APOBEC3B: variants seen among roughly 807,000 people sequenced by gnomAD.
APOBEC3B encodes DNA dC->dU-editing enzyme APOBEC-3B.
APOBEC3B carries 29 observed loss-of-function variants against 53.4 expected under a neutral mutation model. That is an observed-to-expected ratio of 0.54 (90% CI 0.40 to 0.74). The LOEUF (loss-of-function observed/expected upper bound fraction) is 0.74, where lower values mean the gene tolerates loss of function less well. Among genes scored for constraint, APOBEC3B ranks in the 30% least tolerant of loss-of-function variants. The pLI is 0.00. For missense variants in APOBEC3B, 347 were observed against 496.2 expected (o/e 0.70, Z 2.86); for synonymous variants, 132 against 184.8 (o/e 0.71, Z 2.32).
At position 38,986,328 on chromosome 22, in the gene APOBEC3B, A is replaced by G. The variant is rs1360920599; in HGVS notation, c.485A>G (p.Tyr162Cys). The G allele has an allele frequency of 2.5e-6, 4 of 1,593,812 alleles. No homozygotes were observed. The highest frequency in any genetic ancestry group is 1.3e-5 in the African/African-American group (1 of 74,366). ...EFAYCWENFV[Y>C]NEGQQFMPWY... ...GCATACTGCTGGGAAAACTTTGTGT[A>G]CAATGAAGGTCAGCAATTCATGCCT... Residue 162 changes from tyrosine to cysteine, a missense_variant, in exon 4 of 8, where the codon TAC becomes TGC. Transcript: ENST00000333467.
chr22:38,984,777 C>T (rs1923669067), intron 2 of APOBEC3B, among the ~76,000 whole-genome samples: 1 of 148,218 alleles, frequency 6.7e-6, no homozygotes, highest in African/African-American at 2.5e-5. Context: ...TCTTTTTAAC[C>T]CTTGCTACAG....
intron 2 of APOBEC3B, among the ~76,000 whole-genome samples, chr22:38,984,624 T>G (rs1452321985): frequency 1.3e-5 from 2 of 148,372 alleles, no homozygotes; most frequent in Non-Finnish European, 3.0e-5. Context: ...TTTAAAAAAT[T>G]TTTTTAAAAT....
rs1343700882 is a variant in APOBEC3B at position 38,982,847 on chromosome 22, A to G, written c.17+377A>G. Among the ~76,000 whole-genome samples the G allele has an allele frequency of 2.7e-5, 4 of 148,762 alleles. 1 individual carries two copies. The highest frequency in any genetic ancestry group is 1.5e-5 in the Non-Finnish European group (1 of 67,346). ...GGAGCAATCAGGCATTTTTGTTCTC[A>G]GTGTTTTGATGAAATTTCTGTAAGA... On this transcript the variant is annotated intron_variant, in intron 1 of 7. Coordinates refer to ENST00000333467, the MANE Select transcript of APOBEC3B (RefSeq NM_004900.5).
In APOBEC3B at chr22:38,982,556, G is replaced by A. The variant is rs374220745; in HGVS notation, c.17+86G>A. 6.1e-4 allele frequency: 722 copies of A among 1,178,074 alleles called. 31 individuals carry two copies. The African/African-American group carries it at 8.3e-3, about 14-fold the overall frequency. 73.0% of individuals were successfully genotyped at this position (1,178,074 alleles called of 1,614,324 possible). ...TGGGCCTCAACCCTGGCCTCCCCCC[G>A]CCCCTGCCCCAGCCCTGGGCTCCCT... On this transcript the variant is annotated intron_variant, in intron 1 of 7. Coordinates refer to ENST00000333467, the MANE Select transcript of APOBEC3B (RefSeq NM_004900.5).
At position 38,986,045 on chromosome 22, in the gene APOBEC3B, C is replaced by T; in HGVS notation, c.408C>T (p.Cys136=). Residue 136 remains cysteine (C), a synonymous_variant, in exon 3 of 8, where the codon TGC becomes TGT. Coordinates refer to ENST00000333467, the MANE Select transcript of APOBEC3B (RefSeq NM_004900.5). ...AAAGAGATTACCGAAGGGCGCTCTG[C>T]AGGCTGAGTCAGGCAGGAGCCCGCG... is the stretch of plus-strand genomic sequence containing the variant. ...YWERDYRRAL[C]RLSQAGARVT... 1 of 1,592,710 alleles carries T rather than the reference C, an allele frequency of 6.3e-7. No individual in the cohort carries two copies. The highest frequency in any genetic ancestry group is 1.7e-4 in the Middle Eastern group (1 of 5,994).
chr22:38,992,708 A>C lies in APOBEC3B; in HGVS notation c.*263A>C. 6.2e-6 allele frequency: 6 copies of C among 973,924 alleles called. No homozygotes were observed. The highest frequency in any genetic ancestry group is 1.8e-5 in the South Asian group (1 of 55,744). 60.3% of individuals were successfully genotyped at this position (973,924 alleles called of 1,614,324 possible). On this transcript the variant is annotated 3_prime_UTR_variant, in exon 8 of 8. Transcript: ENST00000333467. ...AGAATAGTTTTCAATGTATTAATGA[A>C]GTGATTAATTGGCTCCATATTTAGA...
chr22:38,983,146 G>A lies in APOBEC3B; in HGVS notation c.17+676G>A, dbSNP rs750716580. On this transcript the variant is annotated intron_variant, in intron 1 of 7. Transcript: ENST00000333467. Reference sequence around the variant, plus strand: ...AACCTGGCCCATATGGTGAAACCCCGTCTCTACTAAAAAACATACAAAAAT... The same window carrying A: ...AACCTGGCCCATATGGTGAAACCCCATCTCTACTAAAAAACATACAAAAAT... 1.6e-4 allele frequency among the ~76,000 whole-genome samples: 23 copies of A among 147,776 alleles called. 1 individual carries two copies. Among genetic ancestry groups the A allele is most frequent in the Non-Finnish European group, 2.8e-4 (19 of 67,132 alleles).
In APOBEC3B at chr22:38,986,341, G is replaced by C; in HGVS notation, c.498G>C (p.Gln166His). The C allele has an allele frequency of 6.3e-7, 1 of 1,593,858 alleles. No individual in the cohort carries two copies. The highest frequency in any genetic ancestry group is 1.3e-5 in the African/African-American group (1 of 74,368). Residue 166 changes from glutamine to histidine, a missense_variant, in exon 4 of 8, where the codon CAG becomes CAC. Around this residue, in one of 5 missense-constraint regions of APOBEC3B, gnomAD observed 156 missense variants for 166.7 expected, o/e 0.94. Transcript: ENST00000333467. ...CWENFVYNEGQQFMPWYKFDE... is the reference protein window; with the variant it reads ...CWENFVYNEGHQFMPWYKFDE... The stretch of plus-strand genomic sequence containing the variant: ...AAAACTTTGTGTACAATGAAGGTCA[G>C]CAATTCATGCCTTGGTACAAATTCG...
rs745999319 is a variant in APOBEC3B, at chr22:38,992,267, C to T, written c.1134+118C>T. 2.3e-5 allele frequency: 35 copies of T among 1,535,936 alleles called. 2 individuals are homozygous for T. Among genetic ancestry groups the T allele is most frequent in the East Asian group, 7.5e-5 (3 of 39,774 alleles). On this transcript the variant is annotated intron_variant, in intron 7 of 7. Transcript: ENST00000333467. Reference sequence around the variant, plus strand: ...TCTGGGTTCCCTGCTCCCCACAGGGCGCCCAGCTCCGTCCCTCCCTTTCCT... The same window carrying T: ...TCTGGGTTCCCTGCTCCCCACAGGGTGCCCAGCTCCGTCCCTCCCTTTCCT...
At position 38,986,832 on chromosome 22, in the gene APOBEC3B, C is replaced by A. The variant is rs763192544; in HGVS notation, c.569+420C>A. 4.0e-5 allele frequency among the ~76,000 whole-genome samples: 6 copies of A among 148,726 alleles called. 1 individual carries two copies. Among genetic ancestry groups the A allele is most frequent in the Non-Finnish European group, 7.4e-5 (5 of 67,278 alleles). Reference sequence around the variant, plus strand: ...GGGACATCTGAGGGCCACCCCCACCCGCTATTCCTCCCTCCAATGGTGGCC... The same window carrying A: ...GGGACATCTGAGGGCCACCCCCACCAGCTATTCCTCCCTCCAATGGTGGCC... On this transcript the variant is annotated intron_variant, in intron 4 of 7. Transcript: ENST00000333467.
At position 38,988,683 on chromosome 22, in the gene APOBEC3B, C is replaced by CTCTT. The variant is rs767344337; in HGVS notation, c.570-713_570-710dup. The stretch of plus-strand genomic sequence containing the variant: ...TTGCTTCCTCTCTCTTTCTCTCTTT[C>CTCTT]TCTTTCTTTCTTTCTTTCTTTCTTT... On this transcript the variant is annotated intron_variant, in intron 4 of 7. Transcript: ENST00000333467. 8.1e-3 allele frequency among the ~76,000 whole-genome samples: 387 copies of CTCTT among 47,510 alleles called. 15 individuals are homozygous for CTCTT. The highest frequency in any genetic ancestry group is 0.03 in the South Asian group (25 of 828). The allele number at this position is 47,510 out of a possible 152,430, so 31.2% of individuals were successfully genotyped here.
chr22:38,989,869 C>G (rs1923922268), intron 5 of APOBEC3B, among the ~76,000 whole-genome samples: 1 of 148,632 alleles, frequency 6.7e-6, no homozygotes, highest in African/African-American at 2.5e-5. Flanking sequence ...ACAGCTCTCA[C>G]CAGGAATGAT....
At position 38,984,201 on chromosome 22, in the gene APOBEC3B, C is replaced by A. The variant is rs773140102; in HGVS notation, c.144C>A (p.Leu48=). 37 of 1,592,540 alleles carry A rather than the reference C, an allele frequency of 2.3e-5. 3 individuals carry two copies. Among genetic ancestry groups the A allele is most frequent in the Middle Eastern group, 3.3e-4 (2 of 6,004 alleles). ...AAATAAAGAGGGGCCGCTCAAATCT[C>A]CTTTGGGACACAGGGGTCTTTCGAG... ...EVKIKRGRSN[L]LWDTGVFRGQ... The change falls in exon 2 of 8, where the codon CTC becomes CTA. Residue 48 remains leucine, a synonymous_variant. Transcript: ENST00000333467.
At chr22:38,989,041 T>G (rs1279996239) in intron 4 of APOBEC3B, among the ~76,000 whole-genome samples, 1 of 147,720 alleles carries the variant, frequency 6.8e-6, no homozygotes, top group African/African-American at 2.5e-5. Context: ...ATGCTGGGTG[T>G]GGTAGGAGTT....
Position 38,992,436 on chromosome 22 carries a change from G to T in APOBEC3B, c.1140G>T (p.Gln380His), listed in dbSNP as rs1924048496. 6.2e-7 allele frequency: 1 copy of T among 1,601,862 alleles called. No homozygotes were observed. The highest frequency in any genetic ancestry group is 2.2e-5 in the East Asian group (1 of 44,582). Residue 380 changes from glutamine to histidine, a missense_variant, in exon 8 of 8, where the codon CAG becomes CAT. Gln to His is a conservative substitution (Grantham distance 24). Transcript: ENST00000333467. ...CAACCCCCCTGCTCTTCCAGAATCA[G>T]GGAAACTGAAGGATGGGCCTCAGTC... ...SGRLRAILQN[Q>H]GN
rs888343571 is a variant in APOBEC3B at position 38,992,259 on chromosome 22, C to T, written c.1134+110C>T. The stretch of plus-strand genomic sequence containing the variant: ...GAGCCTCCTCTGGGTTCCCTGCTCC[C>T]CACAGGGCGCCCAGCTCCGTCCCTC... On this transcript the variant is annotated intron_variant, in intron 7 of 7. Coordinates refer to ENST00000333467, the MANE Select transcript of APOBEC3B (RefSeq NM_004900.5). 1.6e-5 allele frequency: 24 copies of T among 1,541,904 alleles called. 1 individual carries two copies. The highest frequency in any genetic ancestry group is 1.9e-5 in the Non-Finnish European group (22 of 1,142,730).
rs753367208 is a variant in APOBEC3B, at chr22:38,985,961, G to C, written c.324G>C (p.Leu108=). 31 of 1,601,344 alleles carry C rather than the reference G, an allele frequency of 1.9e-5. No homozygotes were observed. Among genetic ancestry groups the C allele is most frequent in the African/African-American group, 1.5e-4 (11 of 73,956 alleles). The change falls in exon 3 of 8, where the codon CTG becomes CTC. Residue 108 remains leucine (L), a synonymous_variant. Transcript: ENST00000333467. Reference sequence around the variant, plus strand: ...GTGTGGCGAAGCTGGCCGAATTCCTGTCTGAGCACCCCAATGTCACCCTGA... The same window carrying C: ...GTGTGGCGAAGCTGGCCGAATTCCTCTCTGAGCACCCCAATGTCACCCTGA... ...PDCVAKLAEF[L]SEHPNVTLTI...
chr22:38,988,744 T>TCTTTCTTTCTTC (rs1569039192), intron 4 of APOBEC3B, among the ~76,000 whole-genome samples: 1 of 116,218 alleles, frequency 8.6e-6, no homozygotes, highest in East Asian at 3.4e-4. Context: ...TTTCTTTCTT[T>TCTTTCTTTCTTC]CTTCCTTTCT....
Position 38,989,479 on chromosome 22 carries a change from T to C in APOBEC3B, c.592T>C (p.Phe198Leu). 1 of 1,580,458 alleles carries C rather than the reference T, an allele frequency of 6.3e-7. No individual in the cohort carries two copies. The highest frequency in any genetic ancestry group is 8.6e-7 in the Non-Finnish European group (1 of 1,162,838). ...ILRYLMDPDT[F>L]TFNFNNDPLV... is the part of the protein sequence containing the mutation. ...CAGATACCTGATGGATCCAGACACA[T>C]TCACTTTCAACTTTAATAATGACCC... The change falls in exon 5 of 8, where the codon TTC becomes CTC. Residue 198 changes from phenylalanine (F) to leucine (L), a missense_variant. By Grantham distance (22) the Phe-to-Leu change is conservative. Coordinates refer to ENST00000333467, the MANE Select transcript of APOBEC3B (RefSeq NM_004900.5).
Sources: gnomAD v4.1 joint callset for allele counts (sites outside exome capture counted in the v4.1 genomes callset) on GRCh38, gnomAD v4.1.1 for gene constraint, gnomAD v4.1.1 regional missense constraint, MANE v1.5 for transcripts, NCBI Gene and HGNC (gene_info 2026-07-23, HGNC 2026-07-21) for gene names.